The following MTERF4 variants were observed in gnomAD, a reference collection of about 807,000 sequenced individuals.
MTERF4 encodes the protein mitochondrial transcription termination factor 4, also known as transcription termination factor 4, mitochondrial.
A neutral mutation model predicts 22.5 loss-of-function variants in MTERF4; 17 were observed. The observed-to-expected ratio is 0.75, with a 90% CI of 0.52 to 1.13. MTERF4 has a LOEUF of 1.13. Ranked by LOEUF, MTERF4 falls within the 50% of genes most tolerant of loss-of-function variation. MTERF4 has a pLI of 0.00. For missense variants in MTERF4, 420 were observed against 466.8 expected, an observed-to-expected ratio of 0.90 and a Z score of 0.92; for synonymous variants, 165 against 175.3, an observed-to-expected ratio of 0.94 and a Z score of 0.47.
downstream of MTERF4, chr2:241,088,728 G>C (rs930381236): frequency 2.8e-5 from 10 of 359,934 alleles, no homozygotes; most frequent in South Asian, 2.1e-4. Flanking sequence ...GAAGAGGCAG[G>C]GGGGTGGGCC....
chr2:241,053,263 GC>G, the MTERF4 span: 1 of 1,602,158 alleles, frequency 6.2e-7, no homozygotes, highest in Non-Finnish European at 8.5e-7. Context: ...CAGCCTGAGC[GC>G]CCCCAGCCGC....
At chr2:241,061,803 A>G in the MTERF4 span, among the ~76,000 whole-genome samples, 12 of 151,710 alleles carry the variant, frequency 7.9e-5, no homozygotes, top group Admixed American at 6.6e-4. Context: ...TGGTGAGCCA[A>G]GATCATGCCA....
At chr2:241,090,262 A>G (rs766062238), downstream of MTERF4, 19 of 1,526,648 alleles carry the variant, frequency 1.2e-5, no homozygotes, top group Middle Eastern at 3.5e-4. Context: ...AAACACACAC[A>G]TTGGCTTATG....
chr2:241,065,745 C>A, the MTERF4 span: 1 of 711,792 alleles, frequency 1.4e-6, no homozygotes, highest in Admixed American at 2.8e-5. Context: ...GTTGGAGGCA[C>A]CGCCCTGCTG....
chr2:241,053,209 ACGCGGCTGGG>A, the MTERF4 span: 1 of 1,610,228 alleles, frequency 6.2e-7, no homozygotes, highest in Non-Finnish European at 8.5e-7. Context: ...CTTCAACGGC[ACGCGGCTGGG>A]CGCGGTGGCC....
intron 1 of MTERF4, among the ~76,000 whole-genome samples, chr2:241,100,826 A>T (rs950171703): frequency 1.7e-4 from 26 of 152,216 alleles, no homozygotes; most frequent in African/African-American, 6.3e-4. Context: ...CAAACGTTAT[A>T]CACTGATTTT....
At chr2:241,052,483 G>A in the MTERF4 span, 9 of 1,586,388 alleles carry the variant, frequency 5.7e-6, no homozygotes, top group Non-Finnish European at 6.9e-6. Flanking sequence ...GAGGGTCAGG[G>A]GGATCAAGCA....
chr2:241,054,326 C>A, the MTERF4 span, among the ~76,000 whole-genome samples: 2 of 152,174 alleles, frequency 1.3e-5, no homozygotes, highest in Non-Finnish European at 2.9e-5. Flanking sequence ...TATGTATGAT[C>A]GGAAGCAGAA....
At chr2:241,086,404 C>G (rs1335110357), downstream of MTERF4, among the ~76,000 whole-genome samples, 1 of 152,172 alleles carries the variant, frequency 6.6e-6, no homozygotes, top group African/African-American at 2.4e-5. Flanking sequence ...GTCTCCCCAA[C>G]TTCAATCTCT....
downstream of MTERF4, chr2:241,070,049 C>T: frequency 6.2e-7 from 1 of 1,613,060 alleles, no homozygotes; most frequent in Non-Finnish European, 8.5e-7. Flanking sequence ...AGCCAGAGCA[C>T]CAAGAGCCGC....
At chr2:241,061,056 A>T in the MTERF4 span, among the ~76,000 whole-genome samples, 58 of 152,238 alleles carry the variant, frequency 3.8e-4, no homozygotes, top group African/African-American at 1.4e-3. Context: ...TGATGAACAT[A>T]CTTGACCATA....
chr2:241,078,176 C>A lies in MTERF4; in HGVS notation n.480-2494G>T, dbSNP rs368787166. ...GAGGCGGGCAGATCACCAGGTCAGGCGTTCGAGACAAGTCTGGCCAACGCG... is the reference window on the plus strand; with the variant it reads ...GAGGCGGGCAGATCACCAGGTCAGGAGTTCGAGACAAGTCTGGCCAACGCG... On this transcript the variant is annotated intron_variant and non_coding_transcript_variant, in intron 4 of 4. Coordinates refer to the MTERF4 transcript ENST00000464344. Among the ~76,000 whole-genome samples, 1,211 of 149,760 alleles carry A rather than the reference C, an allele frequency of 8.1e-3. 38 individuals carry two copies. Among genetic ancestry groups the A allele is most frequent in the African/African-American group, 0.029 (1,136 of 39,440 alleles).
At chr2:241,071,760 G>A (rs374519522), downstream of MTERF4, 34 of 1,543,242 alleles carry the variant, frequency 2.2e-5, no homozygotes, top group Middle Eastern at 1.7e-4. Context: ...CCGAGGCGGC[G>A]CTCGGACTGT....
At chr2:241,064,210 C>G in the MTERF4 span, 1,003 of 946,664 alleles carry the variant, frequency 1.1e-3, 9 homozygotes, top group African/African-American at 0.015. The surrounding 1 kb of genome is among the most constrained non-coding windows in gnomAD (Gnocchi z 7.0). Context: ...CTCTGCCCGC[C>G]TGCTCCCCGC....
At chr2:241,055,733 C>G in the MTERF4 span, among the ~76,000 whole-genome samples, 13 of 152,306 alleles carry the variant, frequency 8.5e-5, no homozygotes, top group East Asian at 2.5e-3. Flanking sequence ...CAGGTCTCAC[C>G]CACAGGATCA....
At chr2:241,089,860 T>C, downstream of MTERF4, 1 of 1,450,080 alleles carries the variant, frequency 6.9e-7, no homozygotes, top group Admixed American at 2.8e-5. Context: ...GCTCCCGGGC[T>C]ACACACCACA....
At chr2:241,050,586 G>A in the MTERF4 span, among the ~76,000 whole-genome samples, 1 of 152,172 alleles carries the variant, frequency 6.6e-6, no homozygotes, top group Non-Finnish European at 1.5e-5. Context: ...CCTTGTCCCT[G>A]AGGGAAAGAC....
Position 241,097,294 on chromosome 2 carries a change from A to T in MTERF4, c.654T>A (p.Ser218Arg). 6.2e-7 allele frequency: 1 copy of T among 1,614,216 alleles called. No individual in the cohort carries two copies. The highest frequency in any genetic ancestry group is 8.5e-7 in the Non-Finnish European group (1 of 1,180,040). ...GGTCCTCTCGAAGAACAGAGGGGCA[A>T]CTGTGCAAAATCTTGGTGACTTGCT... Reference protein sequence around the residue: ...TVQQVTKILHSCPSVLREDLG... With the variant: ...TVQQVTKILHRCPSVLREDLG... The change falls in exon 3 of 4, where the codon AGT (serine) becomes AGA (arginine). Residue 218 changes from serine (S) to arginine (R), a missense_variant. Physicochemically the swap from Ser to Arg is moderately radical, Grantham distance 110. Transcript: ENST00000391980.
downstream of MTERF4, chr2:241,087,385 A>G (rs759617899): frequency 6.3e-7 from 1 of 1,590,434 alleles, no homozygotes; most frequent in Non-Finnish European, 8.6e-7. Flanking sequence ...CTTTCTTGTG[A>G]CAACAGGTAT....
Sources: allele counts gnomAD v4.1 joint callset (sites outside exome capture counted in the v4.1 genomes callset), GRCh38; gene constraint gnomAD v4.1.1; non-coding constraint Gnocchi (gnomAD v3.1); transcripts MANE v1.5; gene names NCBI Gene and HGNC (gene_info 2026-07-23, HGNC 2026-07-21).